Variants in MTFR1 observed in about 807,000 individuals in gnomAD.
The protein encoded by MTFR1 is chondrocyte protein with a poly-proline region.
Under a neutral mutation model 38.8 loss-of-function variants are expected in MTFR1, and 28 were observed. The observed-to-expected ratio is 0.72, with a 90% CI of 0.53 to 0.99. The LOEUF (loss-of-function observed/expected upper bound fraction) is 0.99, where lower values mean the gene tolerates loss of function less well. MTFR1 is among the 50% of genes least tolerant of loss of function. MTFR1 has a pLI of 0.00. For synonymous variants in MTFR1, 145 were observed against 137.0 expected (o/e 1.06, Z -0.41); for missense variants, 358 against 395.5 (o/e 0.91, Z 0.81).
In MTFR1 at chr8:65,707,826, G is replaced by C; in HGVS notation, c.765-17G>C. The C allele has an allele frequency of 5.0e-6, 8 of 1,611,352 alleles. No individual in the cohort carries two copies. Among genetic ancestry groups the C allele is most frequent in the Non-Finnish European group, 6.8e-6 (8 of 1,178,448 alleles). ...GTGTATTGATCTGTCCCCTTGGTTT[G>C]TGTTCACTTCTCTAAGGTCAGAGCA... On this transcript the variant is annotated splice_polypyrimidine_tract_variant and intron_variant, in intron 6 of 7. Transcript: ENST00000262146.
intron 1 of MTFR1, among the ~76,000 whole-genome samples, chr8:65,648,015 T>G (rs1478377320): frequency 2.6e-5 from 4 of 152,080 alleles, no homozygotes; most frequent in African/African-American, 9.7e-5. Flanking sequence ...GTTTGTTTGT[T>G]TGTTTGTTTG....
At chr8:65,707,317 G>T in intron 6 of MTFR1, 61 bp downstream of exon 6, 1 of 1,524,472 alleles carries the variant, frequency 6.6e-7, no homozygotes, top group Non-Finnish European at 8.9e-7. Flanking sequence ...CAAAGTACCA[G>T]GCTTCTTGAG....
chr8:65,762,886 C>A (rs946099100), intron 3 of MTFR1, among the ~76,000 whole-genome samples: 2 of 151,980 alleles, frequency 1.3e-5, no homozygotes, highest in African/African-American at 4.8e-5. Context: ...CCTATAATCC[C>A]AGCATTATGG....
intron 3 of MTFR1, among the ~76,000 whole-genome samples, chr8:65,693,291 C>T (rs1300034319): frequency 6.6e-6 from 1 of 151,978 alleles, no homozygotes; most frequent in Admixed American, 6.6e-5. Context: ...GTCCCAGCTA[C>T]TCAGGAGGCT....
chr8:65,707,227 G>C lies in MTFR1; in HGVS notation c.735G>C (p.Met245Ile). The C allele has an allele frequency of 1.2e-6, 2 of 1,614,138 alleles. No individual in the cohort carries two copies. Among genetic ancestry groups the C allele is most frequent in the Non-Finnish European group, 1.7e-6 (2 of 1,180,016 alleles). ...ATATGCTAGAGATCCTTAAAGAGAT[G>C]AACAGTGTAAAACTTCGGTCAGTGA... is the stretch of plus-strand genomic sequence containing the variant. ...MPNMLEILKE[M>I]NSVKLRSVKR... The change falls in exon 6 of 8, where the codon ATG becomes ATC. Residue 245 changes from methionine to isoleucine, a missense_variant. Met to Ile is a conservative substitution (Grantham distance 10, BLOSUM62 1). Transcript: ENST00000262146.
intron 3 of MTFR1, chr8:65,727,356 G>T: frequency 6.2e-7 from 1 of 1,600,344 alleles, no homozygotes; most frequent in Non-Finnish European, 8.5e-7. Context: ...TAAGCTCTAC[G>T]CCATCACAGT....
intron 3 of MTFR1, among the ~76,000 whole-genome samples, chr8:65,755,707 C>A (rs747004266): frequency 6.6e-6 from 1 of 152,186 alleles, no homozygotes; most frequent in African/African-American, 2.4e-5. Context: ...GTAACCTTTA[C>A]CAGTGTTCTT....
intron 3 of MTFR1, among the ~76,000 whole-genome samples, chr8:65,692,010 T>C (rs1805295743): frequency 6.6e-6 from 1 of 152,246 alleles, no homozygotes; most frequent in African/African-American, 2.4e-5. Flanking sequence ...TATTTAAGTA[T>C]ATCTTCCAAA....
chr8:65,684,749 AATCCC>A (rs1274125787), intron 3 of MTFR1, among the ~76,000 whole-genome samples: 6 of 151,658 alleles, frequency 4.0e-5, no homozygotes, highest in Non-Finnish European at 8.8e-5. Context: ...CAACACCTAC[AATCCC>A]AGCACTTTGG....
At chr8:65,742,958 T>C (rs2128903775) in intron 3 of MTFR1, among the ~76,000 whole-genome samples, 1 of 152,366 alleles carries the variant, frequency 6.6e-6, no homozygotes, top group South Asian at 2.1e-4. Flanking sequence ...TGTGGACTGC[T>C]GGCTATTTCT....
Position 65,709,318 on chromosome 8 carries a change from A to T in MTFR1, c.*274A>T. 2.9e-6 allele frequency: 1 copy of T among 349,580 alleles called. No individual in the cohort carries two copies. Among genetic ancestry groups the T allele is most frequent in the Non-Finnish European group, 5.3e-6 (1 of 190,152 alleles). 21.7% of individuals were successfully genotyped at this position (349,580 alleles called of 1,614,324 possible). On this transcript the variant is annotated 3_prime_UTR_variant, in exon 8 of 8. Coordinates refer to ENST00000262146, the MANE Select transcript of MTFR1 (RefSeq NM_014637.4). ...GATTTCCAGTTTTGAAAACAATTGTATAGATTTCACAACACAAAAAGGACA... is the reference window on the plus strand; with the variant it reads ...GATTTCCAGTTTTGAAAACAATTGTTTAGATTTCACAACACAAAAAGGACA...
intron 3 of MTFR1, among the ~76,000 whole-genome samples, chr8:65,692,831 G>C (rs1432993657): frequency 6.6e-6 from 1 of 151,016 alleles, no homozygotes; most frequent in African/African-American, 2.4e-5. Flanking sequence ...GAACAAAACA[G>C]CTATATAATA....
rs1805904645 is a variant in MTFR1 at position 65,710,222 on chromosome 8, G to T, written c.*1178G>T. Reference sequence around the variant, plus strand: ...AAGAAGAAAGTTGTACTTCCTGGCTGGGAGTATTAGGAGATGGGAGTAGAG... The same window carrying T: ...AAGAAGAAAGTTGTACTTCCTGGCTTGGAGTATTAGGAGATGGGAGTAGAG... On this transcript the variant is annotated 3_prime_UTR_variant, in exon 8 of 8. Coordinates refer to ENST00000262146, the MANE Select transcript of MTFR1 (RefSeq NM_014637.4). 1 of 152,094 alleles carries T rather than the reference G, an allele frequency of 6.6e-6. No individual in the cohort carries two copies. The highest frequency in any genetic ancestry group is 2.1e-4 in the South Asian group (1 of 4,822). The allele number at this position is 152,094 out of a possible 1,614,324, so 9.4% of individuals were successfully genotyped here. A position where few individuals can be genotyped will look rare whatever the true frequency, so the allele number is the denominator to read the frequency against.
chr8:65,727,000 A>T, intron 3 of MTFR1: 1 of 1,212,996 alleles, frequency 8.2e-7, no homozygotes, highest in Non-Finnish European at 1.2e-6. Context: ...TTACTTAATG[A>T]TACGTCTCTT....
chr8:65,730,193 T>TTTTTTTTTTTTTTTC (rs1321443430), intron 3 of MTFR1, among the ~76,000 whole-genome samples: 3 of 136,996 alleles, frequency 2.2e-5, no homozygotes, highest in African/African-American at 8.1e-5. Context: ...TTTTTTTTTT[T>TTTTTTTTTTTTTTTC]TTTTGAGATG....
chr8:65,727,083 T>A lies in MTFR1; in HGVS notation c.*48+7602T>A. 3 of 1,027,402 alleles carry A rather than the reference T, an allele frequency of 2.9e-6. No individual in the cohort carries two copies. The Admixed American group carries it at 5.9e-5, about 20-fold the overall frequency. 63.6% of individuals were successfully genotyped at this position (1,027,402 alleles called of 1,614,324 possible). A position where few individuals can be genotyped will look rare whatever the true frequency, so the allele number is the denominator to read the frequency against. ...TAAAATTCTAACATTCATTGAGAAT[T>A]TATTTTCATTACTTTCATTTCTTCA... On this transcript the variant is annotated intron_variant, in intron 3 of 3. Coordinates refer to the MTFR1 transcript ENST00000521247.
intron 4 of MTFR1, 72 bp from the exon 5 acceptor site, chr8:65,704,622 C>G: frequency 8.0e-7 from 1 of 1,247,082 alleles, no homozygotes; most frequent in East Asian, 2.3e-5. Context: ...TGCGGATACA[C>G]TGTCAGGTGA....
chr8:65,760,950 G>C (rs557650213), intron 3 of MTFR1, among the ~76,000 whole-genome samples: 1 of 152,280 alleles, frequency 6.6e-6, no homozygotes, highest in South Asian at 2.1e-4. Flanking sequence ...TGAGGAACTG[G>C]GAACAAGAGT....
chr8:65,736,790 GTTT>G (rs34814975), intron 3 of MTFR1, among the ~76,000 whole-genome samples: 1 of 128,804 alleles, frequency 7.8e-6, no homozygotes, highest in Admixed American at 7.9e-5. Context: ...AAATTTATCT[GTTT>G]TTTTTTTTTT....
Sources: gnomAD v4.1 joint callset for allele counts (sites outside exome capture counted in the v4.1 genomes callset) on GRCh38, gnomAD v4.1.1 for gene constraint, MANE v1.5 for transcripts, NCBI Gene and HGNC (gene_info 2026-07-23, HGNC 2026-07-21) for gene names.